The following MYO1D variants were observed in gnomAD, a reference collection of about 807,000 sequenced individuals.
MYO1D encodes myosin ID.
In MYO1D, 83 loss-of-function variants were observed where a neutral mutation model predicts 122.0. The observed-to-expected ratio is 0.68, with a 90% CI of 0.57 to 0.82. The LOEUF is 0.82. Among genes scored for constraint, MYO1D ranks in the 40% least tolerant of loss-of-function variants. The pLI, the probability that MYO1D is intolerant of heterozygous loss-of-function variation, is 0.00. For missense variants in MYO1D, 1,157 were observed against 1,269.5 expected (o/e 0.91, Z 1.35); for synonymous variants, 464 against 446.9 (o/e 1.04, Z -0.48).
intron 5 of MYO1D, 149 bp downstream of exon 5, chr17:32,772,640 T>C (rs2090126183): frequency 1.5e-6 from 1 of 657,842 alleles, no homozygotes; most frequent in Non-Finnish European, 2.8e-6. Flanking sequence ...GCAGGGCATG[T>C]GGTGCGTGCG....
chr17:32,872,670 C>G (rs1352713668), intron 1 of MYO1D, among the ~76,000 whole-genome samples: 1 of 151,776 alleles, frequency 6.6e-6, no homozygotes, highest in Non-Finnish European at 1.5e-5. Context: ...CTTGCCCCAT[C>G]CAGACACACA....
intron 21 of MYO1D, among the ~76,000 whole-genome samples, chr17:32,590,869 A>G (rs1597915475): frequency 6.6e-6 from 1 of 152,352 alleles, no homozygotes; most frequent in East Asian, 1.9e-4. Flanking sequence ...CATATATTGT[A>G]AGGTTTAGAG....
At chr17:32,515,731 G>T (rs1244179595) in intron 21 of MYO1D, among the ~76,000 whole-genome samples, 3 of 152,200 alleles carry the variant, frequency 2.0e-5, no homozygotes, top group Admixed American at 6.5e-5. Flanking sequence ...AAGAATATTT[G>T]ATTAAGTAGC....
At chr17:32,636,337 TA>T (rs2088099421) in intron 20 of MYO1D, among the ~76,000 whole-genome samples, 1 of 152,230 alleles carries the variant, frequency 6.6e-6, no homozygotes, top group Non-Finnish European at 1.5e-5. Flanking sequence ...CATCATGTTT[TA>T]AAAAGGTTCT....
At chr17:32,795,201 C>T (rs2090401539) in intron 1 of MYO1D, among the ~76,000 whole-genome samples, 1 of 152,128 alleles carries the variant, frequency 6.6e-6, no homozygotes, top group African/African-American at 2.4e-5. Context: ...GTTTCTCACA[C>T]TTCTTTCTCT....
intron 1 of MYO1D, among the ~76,000 whole-genome samples, chr17:32,781,259 A>G (rs986317263): frequency 2.6e-5 from 4 of 152,238 alleles, no homozygotes; most frequent in Non-Finnish European, 5.9e-5. Flanking sequence ...AGTAAAATCC[A>G]TAACAGAGAG....
At chr17:32,848,598 T>C (rs2090958526) in intron 1 of MYO1D, among the ~76,000 whole-genome samples, 2 of 152,244 alleles carry the variant, frequency 1.3e-5, no homozygotes. Flanking sequence ...ATTAGTGGGC[T>C]TGAGGAGTTG....
In MYO1D at chr17:32,786,954, C is replaced by A. The variant is rs565897749; in HGVS notation, c.96-6170G>T. The stretch of plus-strand genomic sequence containing the variant: ...GGCAGACCAAGAATACCCCACTCCC[C>A]CAAAGAAAACCACAAAGTAGAAAAA... On this transcript the variant is annotated intron_variant, in intron 1 of 21. Transcript: ENST00000318217. Among the ~76,000 whole-genome samples, 5 of 151,798 alleles carry A rather than the reference C, an allele frequency of 3.3e-5. No individual in the cohort carries two copies. In the East Asian group the frequency reaches 7.8e-4, roughly 24 times the overall value.
chr17:32,778,585 A>G lies in MYO1D; in HGVS notation c.305-12T>C. Reference sequence around the variant, plus strand: ...AGCTCCACTTTCCCCTGGGGGGAAAAATTGTTCAGGGCTTAACATAATAAT... The same window carrying G: ...AGCTCCACTTTCCCCTGGGGGGAAAGATTGTTCAGGGCTTAACATAATAAT... On this transcript the variant is annotated splice_polypyrimidine_tract_variant and intron_variant, in intron 2 of 21. Coordinates refer to ENST00000318217, the MANE Select transcript of MYO1D (RefSeq NM_015194.3). The G allele has an allele frequency of 1.9e-6, 3 of 1,599,136 alleles. No individual in the cohort carries two copies. The highest frequency in any genetic ancestry group is 2.2e-5 in the East Asian group (1 of 44,808).
At position 32,755,627 on chromosome 17, in the gene MYO1D, G is replaced by A. The variant is rs772301541; in HGVS notation, c.1332C>T (p.Leu444=). 28 of 1,613,548 alleles carry A rather than the reference G, an allele frequency of 1.7e-5. No homozygotes were observed. The highest frequency in any genetic ancestry group is 3.3e-4 in the Middle Eastern group (2 of 6,076). ...TGATCCCTTTGTGCTGTTGCTCCAC[G>A]AGGTCAACAATGATCTGATTGTTGA... ...DYFNNQIIVD[L]VEQQHKGIIA... Residue 444 remains leucine, a synonymous_variant, in exon 11 of 22, where the codon CTC becomes CTT. Coordinates refer to ENST00000318217, the MANE Select transcript of MYO1D (RefSeq NM_015194.3).
chr17:32,726,577 T>C (rs1291798605), intron 14 of MYO1D, among the ~76,000 whole-genome samples: 1 of 149,488 alleles, frequency 6.7e-6, no homozygotes, highest in African/African-American at 2.4e-5. Flanking sequence ...AATAGATATA[T>C]ATTATATCTA....
At chr17:32,612,455 G>A (rs902553559) in intron 20 of MYO1D, among the ~76,000 whole-genome samples, 10 of 151,990 alleles carry the variant, frequency 6.6e-5, no homozygotes, top group Non-Finnish European at 1.3e-4. Context: ...GGGAGACTGA[G>A]ACAGGAGGAT....
At chr17:32,688,973 G>A (rs1454730647) in intron 16 of MYO1D, among the ~76,000 whole-genome samples, 6 of 151,928 alleles carry the variant, frequency 3.9e-5, no homozygotes, top group South Asian at 4.2e-4. Context: ...CTGTGTGTGC[G>A]TGCATGTAAG....
At chr17:32,644,450 T>C (rs571645797) in intron 19 of MYO1D, among the ~76,000 whole-genome samples, 244 of 152,306 alleles carry the variant, frequency 1.6e-3, no homozygotes, top group African/African-American at 5.7e-3. Context: ...CAGAGCTGAG[T>C]TCAATTCCTG....
intron 12 of MYO1D, among the ~76,000 whole-genome samples, chr17:32,748,133 G>A (rs1423229461): frequency 6.6e-6 from 1 of 152,148 alleles, no homozygotes; most frequent in Non-Finnish European, 1.5e-5. Context: ...AATGTACTAA[G>A]GTAGTTATAA....
chr17:32,503,238 C>T (rs1389970663), intron 21 of MYO1D, among the ~76,000 whole-genome samples: 1 of 152,218 alleles, frequency 6.6e-6, no homozygotes, highest in East Asian at 1.9e-4. Context: ...AACATCCCCT[C>T]CCATCCAGGC....
intron 21 of MYO1D, among the ~76,000 whole-genome samples, chr17:32,549,246 C>T (rs1050711927): frequency 1.3e-5 from 2 of 152,098 alleles, no homozygotes; most frequent in Admixed American, 6.6e-5. Context: ...GCACACAGCA[C>T]CACACCCAGC....
chr17:32,656,705 C>A (rs1257513608), intron 17 of MYO1D, among the ~76,000 whole-genome samples: 1 of 152,230 alleles, frequency 6.6e-6, no homozygotes, highest in African/African-American at 2.4e-5. Flanking sequence ...GTCCTAAGAT[C>A]ATTCCAGAAG....
chr17:32,834,175 T>C (rs1436107873), intron 1 of MYO1D, among the ~76,000 whole-genome samples: 4 of 152,178 alleles, frequency 2.6e-5, no homozygotes, highest in Non-Finnish European at 5.9e-5. Flanking sequence ...TGATAATATG[T>C]TTAGCCTGAT....
Sources: gnomAD v4.1 joint callset for allele counts (sites outside exome capture counted in the v4.1 genomes callset) on GRCh38, gnomAD v4.1.1 for gene constraint, MANE v1.5 for transcripts, NCBI Gene and HGNC (gene_info 2026-07-23, HGNC 2026-07-21) for gene names.